Variants in MON2 observed in about 807,000 individuals in gnomAD.
MON2 encodes MON2 regulator of endosome-to-Golgi trafficking.
A neutral mutation model predicts 208.6 loss-of-function variants in MON2; 84 were observed. The ratio of observed to expected loss-of-function variants is 0.40; its 90% CI spans 0.34 to 0.48. The LOEUF is 0.48. MON2 is among the 20% of genes least tolerant of loss of function. MON2 has a pLI of 0.59. For missense variants in MON2, 1,611 were observed against 2,015.4 expected (o/e 0.80, Z 3.84); for synonymous variants, 660 against 694.0 (o/e 0.95, Z 0.77).
At chr12:62,506,055 GTGAGT>G (rs766877653) in intron 7 of MON2, among the ~76,000 whole-genome samples, 1 of 152,178 alleles carries the variant, frequency 6.6e-6, no homozygotes, top group African/African-American at 2.4e-5. Flanking sequence ...CCCAACTGTA[GTGAGT>G]TGAGCAGTGA....
At chr12:62,499,939 A>G (rs1453270036) in intron 5 of MON2, among the ~76,000 whole-genome samples, 1 of 151,948 alleles carries the variant, frequency 6.6e-6, no homozygotes, top group Non-Finnish European at 1.5e-5. Flanking sequence ...CCACTTTGGT[A>G]TATTGTTTTT....
At chr12:62,523,035 A>G (rs79122786) in intron 8 of MON2, among the ~76,000 whole-genome samples, 3,080 of 152,286 alleles carry the variant, frequency 0.02, 95 homozygotes, top group African/African-American at 0.069. Flanking sequence ...TCTTGCCTCA[A>G]AGCTTAGCTG....
chr12:62,585,551 T>C, intron 33 of MON2, 50 bp downstream of exon 33: 1 of 1,395,996 alleles, frequency 7.2e-7, no homozygotes, highest in Non-Finnish European at 9.7e-7. Flanking sequence ...GTACTAATTG[T>C]TGATAACAAG....
In MON2 at chr12:62,563,603, G is replaced by A. The variant is rs1245464419; in HGVS notation, c.4033-1634G>A. ...TCAGACTTCAGAATACTGAAGAAAA[G>A]CCCATAAAAACTTTTTCTTAGATGG... is the stretch of plus-strand genomic sequence containing the variant. On this transcript the variant is annotated intron_variant, in intron 26 of 34. Coordinates refer to ENST00000393630, the MANE Select transcript of MON2 (RefSeq NM_015026.3). 2.6e-5 allele frequency among the ~76,000 whole-genome samples: 4 copies of A among 151,980 alleles called. No individual in the cohort carries two copies. In the East Asian group the frequency reaches 7.7e-4, roughly 29 times the overall value.
Position 62,518,514 on chromosome 12 carries a change from T to C in MON2, c.985-6001T>C, listed in dbSNP as rs149446056. ...CCCACTACACTTTACTACTTCGCTG[T>C]TTTCTTAGTTCTCGCTCTCTTTTTT... On this transcript the variant is annotated intron_variant, in intron 8 of 34. Coordinates refer to ENST00000393630, the MANE Select transcript of MON2 (RefSeq NM_015026.3). Among the ~76,000 whole-genome samples, 38 of 152,346 alleles carry C rather than the reference T, an allele frequency of 2.5e-4. No individual in the cohort carries two copies. In the South Asian group the frequency reaches 5.4e-3, roughly 22 times the overall value.
intron 8 of MON2, among the ~76,000 whole-genome samples, chr12:62,520,840 A>AATAT (rs566392242): frequency 6.8e-6 from 1 of 146,890 alleles, no homozygotes; most frequent in Non-Finnish European, 1.5e-5. Flanking sequence ...TATGTATAAT[A>AATAT]ATATATATAT....
chr12:62,508,242 A>G (rs2071204707), intron 7 of MON2, 44 bp from the exon 8 acceptor site: 1 of 1,501,714 alleles, frequency 6.7e-7, no homozygotes, highest in Admixed American at 1.8e-5. Flanking sequence ...ATTAAGTACA[A>G]ATAAAGTTAA....
chr12:62,517,907 T>C (rs1312932041), intron 8 of MON2, among the ~76,000 whole-genome samples: 1 of 152,208 alleles, frequency 6.6e-6, no homozygotes, highest in Non-Finnish European at 1.5e-5. Context: ...TTGGATGAAA[T>C]TGTTTTATTG....
intron 1 of MON2, 80 bp downstream of exon 1, chr12:62,467,398 A>G (rs1399379312): frequency 4.2e-6 from 5 of 1,184,496 alleles, no homozygotes; most frequent in Non-Finnish European, 6.2e-6. Context: ...CCCAGTTTCC[A>G]GTCCTAATTT....
intron 26 of MON2, among the ~76,000 whole-genome samples, chr12:62,562,977 G>C (rs1029649133): frequency 2.0e-5 from 3 of 152,088 alleles, no homozygotes; most frequent in Admixed American, 6.6e-5. Context: ...TTAATTATCT[G>C]CTTTCTGTAT....
At chr12:62,500,944 G>A (rs1446209281) in intron 6 of MON2, 64 bp downstream of exon 6, 1 of 937,536 alleles carries the variant, frequency 1.1e-6, no homozygotes, top group African/African-American at 1.7e-5. Flanking sequence ...TTTTTAGTTG[G>A]GGATTTTATG....
intron 11 of MON2, among the ~76,000 whole-genome samples, chr12:62,531,761 A>AT (rs915796117): frequency 1.4e-4 from 21 of 148,434 alleles, no homozygotes; most frequent in South Asian, 1.3e-3. Flanking sequence ...ATGGCATCTT[A>AT]TTTTTTTTTT....
chr12:62,471,962 C>A (rs1274482069), intron 1 of MON2, among the ~76,000 whole-genome samples: 1 of 151,960 alleles, frequency 6.6e-6, no homozygotes, highest in Non-Finnish European at 1.5e-5. Context: ...TGCTTTCTTG[C>A]GAAGATAAGA....
intron 25 of MON2, among the ~76,000 whole-genome samples, chr12:62,559,703 C>T (rs919917462): frequency 4.0e-5 from 6 of 151,598 alleles, no homozygotes; most frequent in African/African-American, 1.5e-4. Context: ...GGGAGAATCA[C>T]TTGAGCTCAG....
intron 2 of MON2, among the ~76,000 whole-genome samples, chr12:62,486,596 A>G (rs547655613): frequency 5.3e-5 from 8 of 152,170 alleles, no homozygotes; most frequent in Non-Finnish European, 8.8e-5. Context: ...TTTATAGACC[A>G]CTATCATCTT....
intron 30 of MON2, among the ~76,000 whole-genome samples, chr12:62,572,259 C>T (rs1272120976): frequency 2.0e-5 from 3 of 152,160 alleles, no homozygotes; most frequent in Non-Finnish European, 4.4e-5. Context: ...CTCATTGCCA[C>T]GGGTGACTAG....
chr12:62,567,790 C>T (rs1210442586), intron 29 of MON2, among the ~76,000 whole-genome samples: 1 of 152,172 alleles, frequency 6.6e-6, no homozygotes, highest in Non-Finnish European at 1.5e-5. Flanking sequence ...ACAAGTAATA[C>T]TACAGTATGT....
chr12:62,562,890 T>C (rs922825570), intron 26 of MON2, among the ~76,000 whole-genome samples: 1 of 152,178 alleles, frequency 6.6e-6, no homozygotes, highest in South Asian at 2.1e-4. Context: ...CCCAGCCAAG[T>C]TGACTTAGTT....
At chr12:62,565,445 C>G in intron 27 of MON2, 65 bp downstream of exon 27, 2 of 1,348,090 alleles carry the variant, frequency 1.5e-6, no homozygotes, top group East Asian at 2.4e-5. Flanking sequence ...GATAGTTCCA[C>G]TTAAGATGGA....
Sources: allele counts gnomAD v4.1 joint callset (sites outside exome capture counted in the v4.1 genomes callset), GRCh38; gene constraint gnomAD v4.1.1; transcripts MANE v1.5; gene names NCBI Gene and HGNC (gene_info 2026-07-23, HGNC 2026-07-21).